The following MACIR variants were observed in gnomAD, a reference collection of about 807,000 sequenced individuals.
The protein encoded by MACIR is macrophage immunometabolism regulator.
In MACIR, 4 loss-of-function variants were observed where a neutral mutation model predicts 14.3. The observed-to-expected ratio is 0.28, with a 90% CI of 0.14 to 0.64. MACIR has a LOEUF of 0.64. Among genes scored for constraint, MACIR ranks in the 30% least tolerant of loss-of-function variants. The probability of loss-of-function intolerance (pLI) is 0.83; values close to 1 mark genes in which losing one functional copy is unlikely to be tolerated. For synonymous variants in MACIR, 101 were observed against 102.4 expected, an observed-to-expected ratio of 0.99 and a Z score of 0.08; for missense variants, 228 against 257.6, an observed-to-expected ratio of 0.89 and a Z score of 0.79.
Position 103,277,216 on chromosome 5 carries a change from T to C in MACIR, c.*676T>C, listed in dbSNP as rs1554237871. 6.0e-6 allele frequency: 1 copy of C among 167,042 alleles called. No homozygotes were observed. The highest frequency in any genetic ancestry group is 2.4e-5 in the African/African-American group (1 of 41,454). 10.3% of individuals were successfully genotyped at this position (167,042 alleles called of 1,614,324 possible). ...TTTATAGCGTTATTAAAGTGTGTCT[T>C]AATAAAATTAAATTTGGGATACAAA... On this transcript the variant is annotated 3_prime_UTR_variant, in exon 3 of 3. Coordinates refer to ENST00000319933, the MANE Select transcript of MACIR (RefSeq NM_033211.4).
chr5:103,261,226 G>A (rs575280514), intron 1 of MACIR, among the ~76,000 whole-genome samples: 1 of 152,294 alleles, frequency 6.6e-6, no homozygotes. Flanking sequence ...AGTTGGCAAG[G>A]TTAATGGTTT....
chr5:103,264,680 G>A (rs1554236610), intron 1 of MACIR, among the ~76,000 whole-genome samples: 1 of 152,104 alleles, frequency 6.6e-6, no homozygotes, highest in Admixed American at 6.6e-5. Flanking sequence ...ATCTGAAGAA[G>A]TTGCAAAGGC....
Position 103,276,369 on chromosome 5 carries a change from T to C in MACIR, c.450T>C (p.His150=), listed in dbSNP as rs537738677. Residue 150 remains histidine, a synonymous_variant, in exon 3 of 3, where the codon CAT becomes CAC. Transcript: ENST00000319933. ...SLPYEPYKAL[H]GPLPLCLLKG... ...CTTATGAACCTTACAAGGCCCTCCA[T>C]GGGCCTCTGCCTCTTTGTCTTCTTA... The C allele has an allele frequency of 1.1e-5, 18 of 1,613,522 alleles. No individual in the cohort carries two copies. Among genetic ancestry groups the C allele is most frequent in the Non-Finnish European group, 1.4e-5 (17 of 1,179,756 alleles).
At chr5:103,259,741 G>A (rs923720025) in intron 1 of MACIR, 12 of 152,282 alleles carry the variant, frequency 7.9e-5, no homozygotes, top group African/African-American at 2.4e-4. Context: ...AGCGGCAGAT[G>A]TCGGGCATTG....
At chr5:103,262,123 C>T (rs1278595114) in intron 1 of MACIR, among the ~76,000 whole-genome samples, 1 of 152,080 alleles carries the variant, frequency 6.6e-6, no homozygotes, top group African/African-American at 2.4e-5. Context: ...GTTCCTAGTG[C>T]CATTCAGGTT....
At position 103,278,179 on chromosome 5, in the gene MACIR, CATATT is replaced by C. The variant is rs1462902538; in HGVS notation, c.*1640_*1644del. 2 of 166,968 alleles carry C rather than the reference CATATT, an allele frequency of 1.2e-5. No homozygotes were observed. The highest frequency in any genetic ancestry group is 4.8e-5 in the African/African-American group (2 of 41,418). 10.3% of individuals were successfully genotyped at this position (166,968 alleles called of 1,614,324 possible). ...TTTAAAGTAAATTGCACCTTTGTAA[CATATT>C]GTATTGACGAATGATCACTAAGATT... On this transcript the variant is annotated 3_prime_UTR_variant, in exon 3 of 3. Transcript: ENST00000319933.
At chr5:103,261,705 C>CTTTCTTTCTTTCTTT (rs1562545911) in intron 1 of MACIR, among the ~76,000 whole-genome samples, 1 of 62,824 alleles carries the variant, frequency 1.6e-5, no homozygotes, top group Admixed American at 1.8e-4. Context: ...TTTCTTTCTT[C>CTTTCTTTCTTTCTTT]CTTTCTTTCT....
In MACIR at chr5:103,276,352, C is replaced by G; in HGVS notation, c.433C>G (p.Pro145Ala). The G allele has an allele frequency of 6.2e-7, 1 of 1,613,296 alleles. No homozygotes were observed. The highest frequency in any genetic ancestry group is 8.5e-7 in the Non-Finnish European group (1 of 1,179,882). The change falls in exon 3 of 3, where the codon CCT (proline) becomes GCT (alanine). Residue 145 changes from proline (P) to alanine (A), a missense_variant. By Grantham distance (27) the Pro-to-Ala change is conservative (BLOSUM62 -1). Transcript: ENST00000319933. The part of the protein sequence containing the change: ...DKCTKSLPYE[P>A]YKALHGPLPL... ...GTGCACTAAATCTTTACCTTATGAACCTTACAAGGCCCTCCATGGGCCTCT... is the reference window on the plus strand; with the variant it reads ...GTGCACTAAATCTTTACCTTATGAAGCTTACAAGGCCCTCCATGGGCCTCT...
chr5:103,270,126 A>G (rs1194120956), intron 2 of MACIR, among the ~76,000 whole-genome samples: 1 of 152,178 alleles, frequency 6.6e-6, no homozygotes, highest in Non-Finnish European at 1.5e-5. Flanking sequence ...AAGAGGAGAA[A>G]CAGGCACTGT....
intron 2 of MACIR, among the ~76,000 whole-genome samples, chr5:103,269,077 T>G (rs1359485965): frequency 6.6e-6 from 1 of 152,058 alleles, no homozygotes; most frequent in African/African-American, 2.4e-5. Context: ...GATTTGGTGA[T>G]GCACACCTAT....
intron 2 of MACIR, among the ~76,000 whole-genome samples, chr5:103,271,689 T>G (rs1246884557): frequency 6.6e-6 from 1 of 152,126 alleles, no homozygotes; most frequent in Non-Finnish European, 1.5e-5. Context: ...AGACCTTAGG[T>G]GTCATTTGAA....
intron 1 of MACIR, among the ~76,000 whole-genome samples, chr5:103,260,500 A>G (rs1396414033): frequency 6.6e-5 from 10 of 152,234 alleles, no homozygotes; most frequent in African/African-American, 9.6e-5. Flanking sequence ...AGTAAAATGA[A>G]CAGGATGGAA....
intron 2 of MACIR, among the ~76,000 whole-genome samples, chr5:103,270,483 G>A (rs931211893): frequency 6.6e-6 from 1 of 152,138 alleles, no homozygotes; most frequent in East Asian, 1.9e-4. Flanking sequence ...GAATGATTTT[G>A]CCATTTATAG....
intron 2 of MACIR, among the ~76,000 whole-genome samples, chr5:103,275,451 T>G (rs1805287970): frequency 6.6e-6 from 1 of 152,240 alleles, no homozygotes; most frequent in Non-Finnish European, 1.5e-5. Context: ...TTACTTTAAA[T>G]TAAATAATGG....
intron 2 of MACIR, among the ~76,000 whole-genome samples, chr5:103,268,869 A>G (rs1334299257): frequency 1.3e-5 from 2 of 152,038 alleles, no homozygotes; most frequent in Non-Finnish European, 2.9e-5. Context: ...TGTCTTCTCT[A>G]TATTTCAAGG....
At chr5:103,259,143 C>T (rs1209955439) in intron 1 of MACIR, 1 of 152,230 alleles carries the variant, frequency 6.6e-6, no homozygotes. Flanking sequence ...GTCCCTTGGC[C>T]TTGGTGGACC....
intron 1 of MACIR, among the ~76,000 whole-genome samples, chr5:103,263,231 TTCCTCCTCC>T (rs112960439): frequency 5.1e-4 from 54 of 104,968 alleles, no homozygotes; most frequent in African/African-American, 1.4e-3. Flanking sequence ...CCTCCTGCTC[TTCCTCCTCC>T]TCCTCCTGCT....
intron 1 of MACIR, 119 bp downstream of exon 1, chr5:103,259,015 T>C (rs76305595): frequency 0.056 from 8,505 of 152,510 alleles, 622 homozygotes; most frequent in African/African-American, 0.18. Flanking sequence ...GTGCCAGCCC[T>C]AATCGCGGCG....
chr5:103,261,982 G>A (rs1053404300), intron 1 of MACIR, among the ~76,000 whole-genome samples: 47 of 151,998 alleles, frequency 3.1e-4, no homozygotes, highest in African/African-American at 1.1e-3. Flanking sequence ...TTTTCTTACT[G>A]CTGTTTTGTT....
Sources: gnomAD v4.1 joint callset for allele counts (sites outside exome capture counted in the v4.1 genomes callset) on GRCh38, gnomAD v4.1.1 for gene constraint, MANE v1.5 for transcripts, NCBI Gene and HGNC (gene_info 2026-07-23, HGNC 2026-07-21) for gene names.